KLF7: variants seen among roughly 807,000 people sequenced by gnomAD.
KLF7 encodes KLF transcription factor 7.
Under a neutral mutation model 27.3 loss-of-function variants are expected in KLF7, and 2 were observed. The ratio of observed to expected loss-of-function variants is 0.07; its 90% confidence interval spans 0.03 to 0.23. The LOEUF (loss-of-function observed/expected upper bound fraction) is 0.23, where lower values mean the gene tolerates loss of function less well. KLF7 is among the 10% of genes least tolerant of loss of function. The probability of loss-of-function intolerance (pLI) is 1.00; values close to 1 mark genes in which losing one functional copy is unlikely to be tolerated. For missense variants in KLF7, 221 were observed against 394.1 expected, an observed-to-expected ratio of 0.56 and a Z score of 3.72; for synonymous variants, 165 against 162.4, an observed-to-expected ratio of 1.02 and a Z score of -0.12.
chr2:207,082,111 T>A (rs1331635224), intron 3 of KLF7, among the ~76,000 whole-genome samples: 3 of 152,148 alleles, frequency 2.0e-5, no homozygotes, highest in Non-Finnish European at 4.4e-5. Flanking sequence ...CCAGTGGTCA[T>A]CTTCTTTCCT....
At chr2:207,133,670 C>T (rs145249232) in intron 1 of KLF7, among the ~76,000 whole-genome samples, 50 of 152,332 alleles carry the variant, frequency 3.3e-4, no homozygotes, top group Middle Eastern at 3.4e-3. Context: ...CTCCCCACCC[C>T]CTACAGCCTC....
intron 1 of KLF7, among the ~76,000 whole-genome samples, chr2:207,143,729 CTTCAGCGAGGG>C (rs1402343422): frequency 1.3e-5 from 2 of 152,180 alleles, no homozygotes; most frequent in African/African-American, 4.8e-5. Context: ...ACGCAGGCGC[CTTCAGCGAGGG>C]CTCCAGGGCA....
At chr2:207,128,703 C>A (rs1468423490) in intron 1 of KLF7, among the ~76,000 whole-genome samples, 1 of 152,140 alleles carries the variant, frequency 6.6e-6, no homozygotes, top group Non-Finnish European at 1.5e-5. Flanking sequence ...CAATATTATT[C>A]TATGATATTT....
chr2:207,076,174 CATT>C lies in KLF7; in HGVS notation c.*5036_*5038del, dbSNP rs2076173692. On this transcript the variant is annotated 3_prime_UTR_variant, in exon 4 of 4. Transcript: ENST00000309446. ...TAGGTGCGAGCATATATACCACCCT[CATT>C]ATGCTGACGTGGGGTCCATCTTATG... The C allele has an allele frequency of 1.3e-5, 2 of 152,098 alleles. No individual in the cohort carries two copies. The highest frequency in any genetic ancestry group is 6.6e-5 in the Admixed American group (1 of 15,262). 9.4% of individuals were successfully genotyped at this position (152,098 alleles called of 1,614,324 possible). A position where few individuals can be genotyped will look rare whatever the true frequency, so the allele number is the denominator to read the frequency against.
At chr2:207,156,983 A>G (rs1283260139) in intron 1 of KLF7, among the ~76,000 whole-genome samples, 1 of 152,194 alleles carries the variant, frequency 6.6e-6, no homozygotes, top group Non-Finnish European at 1.5e-5. Flanking sequence ...TCCTTCCCAA[A>G]GAGATACTGA....
At chr2:207,089,499 A>G (rs1045410417) in intron 2 of KLF7, among the ~76,000 whole-genome samples, 1 of 152,136 alleles carries the variant, frequency 6.6e-6, no homozygotes, top group Admixed American at 6.5e-5. Flanking sequence ...ACAAATATTT[A>G]CCCTTCCAAC....
chr2:207,120,552 CT>C (rs1046341449), intron 2 of KLF7, among the ~76,000 whole-genome samples: 3 of 152,244 alleles, frequency 2.0e-5, no homozygotes, highest in East Asian at 1.9e-4. Flanking sequence ...TCTTATCTCC[CT>C]TTTTTTCCTG....
chr2:207,093,840 GA>G lies in KLF7; in HGVS notation c.734-5260del, dbSNP rs201596742. 4.5e-3 allele frequency among the ~76,000 whole-genome samples: 679 copies of G among 152,318 alleles called. 1 individual carries two copies. The highest frequency in any genetic ancestry group is 0.015 in the African/African-American group (623 of 41,566). On this transcript the variant is annotated intron_variant, in intron 2 of 3. Coordinates refer to ENST00000309446, the MANE Select transcript of KLF7 (RefSeq NM_003709.4). Reference sequence around the variant, plus strand: ...TAGGTATTAAACTGGTTTACGAGGGGAAATGTTTGCTTGGTTGCTTAAATCT... The same window carrying G: ...TAGGTATTAAACTGGTTTACGAGGGGAATGTTTGCTTGGTTGCTTAAATCT...
chr2:207,166,974 T>G (rs79977714), upstream of KLF7: 1 of 512,364 alleles, frequency 2.0e-6, no homozygotes, highest in Non-Finnish European at 2.6e-6. Flanking sequence ...CGCGCCTCCT[T>G]CTGACCCCGA....
intron 2 of KLF7, among the ~76,000 whole-genome samples, chr2:207,119,706 A>T (rs1287953886): frequency 1.3e-5 from 2 of 151,850 alleles, no homozygotes; most frequent in African/African-American, 2.4e-5. Flanking sequence ...CATTTTTTTT[A>T]ATTTTTATTG....
At chr2:207,112,534 G>C (rs2077066111) in intron 2 of KLF7, among the ~76,000 whole-genome samples, 1 of 152,198 alleles carries the variant, frequency 6.6e-6, no homozygotes. Flanking sequence ...TGTCAAATAA[G>C]AGTTGCCTTT....
chr2:207,166,411 G>A (rs575365364), upstream of KLF7: 5 of 155,476 alleles, frequency 3.2e-5, no homozygotes, highest in East Asian at 9.9e-4. Context: ...CAAGGGACAG[G>A]GAGGGTCGTG....
intron 2 of KLF7, among the ~76,000 whole-genome samples, chr2:207,116,372 A>T (rs915535583): frequency 1.3e-5 from 2 of 152,216 alleles, no homozygotes; most frequent in African/African-American, 4.8e-5. Context: ...TAATTTTTTT[A>T]AAAAGAGGAC....
intron 1 of KLF7, among the ~76,000 whole-genome samples, chr2:207,141,266 C>T (rs1214892069): frequency 3.3e-5 from 5 of 152,162 alleles, no homozygotes; most frequent in African/African-American, 4.8e-5. Context: ...CAATTTCAGA[C>T]TCTGGACTGC....
chr2:207,100,253 T>C (rs2105905905), intron 2 of KLF7, among the ~76,000 whole-genome samples: 1 of 152,352 alleles, frequency 6.6e-6, no homozygotes, highest in East Asian at 1.9e-4. Flanking sequence ...TAGAGCTTTT[T>C]AGAGGCAAAT....
chr2:207,139,876 T>C (rs1414513583), intron 1 of KLF7, among the ~76,000 whole-genome samples: 1 of 152,200 alleles, frequency 6.6e-6, no homozygotes, highest in Non-Finnish European at 1.5e-5. Flanking sequence ...AATCATTTTT[T>C]AAGATCTTTT....
chr2:207,135,587 ATGAG>A (rs1266893311), intron 1 of KLF7, among the ~76,000 whole-genome samples: 10 of 152,326 alleles, frequency 6.6e-5, no homozygotes, highest in South Asian at 2.1e-4. Context: ...GAATGAATGA[ATGAG>A]TAATTGAATC....
intron 2 of KLF7, among the ~76,000 whole-genome samples, chr2:207,103,004 C>T (rs2076803538): frequency 1.3e-5 from 2 of 152,182 alleles, no homozygotes. Context: ...TCTTAGCTCA[C>T]CGCAACCTCC....
At chr2:207,107,934 C>T (rs1024440377) in intron 2 of KLF7, among the ~76,000 whole-genome samples, 20 of 152,346 alleles carry the variant, frequency 1.3e-4, no homozygotes, top group Middle Eastern at 3.4e-3. Context: ...AAAGATTTAA[C>T]GCCTCAATAG....
Sources: gnomAD v4.1 joint callset for allele counts (sites outside exome capture counted in the v4.1 genomes callset) on GRCh38, gnomAD v4.1.1 for gene constraint, MANE v1.5 for transcripts, NCBI Gene and HGNC (gene_info 2026-07-23, HGNC 2026-07-21) for gene names.